Variants in OR4F15 observed in about 807,000 individuals in gnomAD.
OR4F15 encodes olfactory receptor family 4 subfamily F member 15.
OR4F15 carries 7 observed loss-of-function variants against 11.9 expected under a neutral mutation model. That is an observed-to-expected ratio of 0.59 (90% CI 0.33 to 1.10). The LOEUF is 1.10. Among genes scored for constraint, OR4F15 ranks in the 50% least tolerant of loss-of-function variants. The pLI is 0.03. For synonymous variants in OR4F15, 151 were observed against 134.6 expected (o/e 1.12, Z -0.84); for missense variants, 445 against 377.5 (o/e 1.18, Z -1.48).
At chr15:101,813,824 C>T (rs969887895) in intron 1 of OR4F15, among the ~76,000 whole-genome samples, 1 of 152,136 alleles carries the variant, frequency 6.6e-6, no homozygotes, top group Non-Finnish European at 1.5e-5. Context: ...CTGTATTTGT[C>T]ACACTATCAC....
chr15:101,818,973 C>G lies in OR4F15; in HGVS notation c.787C>G (p.Pro263Ala). ...PLMFFYTWPS[P>A]TSHLDKYLAI... ...GATGTTTTTCTACACATGGCCTTCTCCCACATCACACCTGGATAAATATCT... is the reference window on the plus strand; with the variant it reads ...GATGTTTTTCTACACATGGCCTTCTGCCACATCACACCTGGATAAATATCT... The change falls in exon 2 of 2, where the codon CCC (proline) becomes GCC (alanine). Residue 263 changes from proline (P) to alanine (A), a missense_variant. Pro to Ala is a conservative substitution (Grantham distance 27). Transcript: ENST00000332238. 6.2e-7 allele frequency: 1 copy of G among 1,614,142 alleles called. No individual in the cohort carries two copies. The highest frequency in any genetic ancestry group is 8.5e-7 in the Non-Finnish European group (1 of 1,180,008).
At position 101,819,566 on chromosome 15, in the gene OR4F15, G is replaced by T. The variant is rs537133569; in HGVS notation, c.*441G>T. On this transcript the variant is annotated 3_prime_UTR_variant, in exon 2 of 2. Coordinates refer to ENST00000332238, the MANE Select transcript of OR4F15 (RefSeq NM_001001674.2). Reference sequence around the variant, plus strand: ...CTGTCACCCAGGCTAGAGTGCAATGGCATGATTTCAGCTCACTGCAACCTC... The same window carrying T: ...CTGTCACCCAGGCTAGAGTGCAATGTCATGATTTCAGCTCACTGCAACCTC... The T allele has an allele frequency of 5.1e-5, 8 of 155,544 alleles. No individual in the cohort carries two copies. The highest frequency in any genetic ancestry group is 5.1e-4 in the Admixed American group (8 of 15,820). 9.6% of individuals were successfully genotyped at this position (155,544 alleles called of 1,614,324 possible).
chr15:101,818,837 C>G lies in OR4F15; in HGVS notation c.651C>G (p.Ser217=). Residue 217 remains serine, a synonymous_variant, in exon 2 of 2, where the codon TCC becomes TCG. Transcript: ENST00000332238. ...SVGSFVLLVI[S]YIFILFTVWK... Reference sequence around the variant, plus strand: ...GCTCCTTTGTCTTGCTGGTAATTTCCTACATCTTCATTCTGTTCACTGTTT... The same window carrying G: ...GCTCCTTTGTCTTGCTGGTAATTTCGTACATCTTCATTCTGTTCACTGTTT... The G allele has an allele frequency of 3.1e-6, 5 of 1,614,104 alleles. No individual in the cohort carries two copies. The highest frequency in any genetic ancestry group is 4.2e-6 in the Non-Finnish European group (5 of 1,180,014).
At chr15:101,815,009 G>A (rs1276953096) in intron 1 of OR4F15, among the ~76,000 whole-genome samples, 1 of 152,090 alleles carries the variant, frequency 6.6e-6, no homozygotes, top group African/African-American at 2.4e-5. Flanking sequence ...AGCCTTAATA[G>A]CATCTTTGCT....
Position 101,818,523 on chromosome 15 carries a change from G to T in OR4F15, c.337G>T (p.Val113Leu). ...CCATGCTCTTGGGGGCACTGAGATG[G>T]TGCTGCTCATAGCCATGGCCTTTGA... ...FSHALGGTEM[V>L]LLIAMAFDRY... Residue 113 changes from valine to leucine, a missense_variant, in exon 2 of 2, where the codon GTG becomes TTG. Coordinates refer to ENST00000332238, the MANE Select transcript of OR4F15 (RefSeq NM_001001674.2). The T allele has an allele frequency of 1.2e-6, 2 of 1,614,034 alleles. No individual in the cohort carries two copies. Among genetic ancestry groups the T allele is most frequent in the Non-Finnish European group, 1.7e-6 (2 of 1,179,914 alleles).
In OR4F15 at chr15:101,819,226, T is replaced by A; in HGVS notation, c.*101T>A. Reference sequence around the variant, plus strand: ...GAAATACTGAAGACTCAGGCCATACTATATGCCTGAAAATTTATGAAATCA... The same window carrying A: ...GAAATACTGAAGACTCAGGCCATACAATATGCCTGAAAATTTATGAAATCA... On this transcript the variant is annotated 3_prime_UTR_variant, in exon 2 of 2. Coordinates refer to ENST00000332238, the MANE Select transcript of OR4F15 (RefSeq NM_001001674.2). 1.4e-6 allele frequency: 1 copy of A among 721,476 alleles called. No homozygotes were observed. The highest frequency in any genetic ancestry group is 2.0e-5 in the South Asian group (1 of 49,408). The allele number at this position is 721,476 out of a possible 1,614,324, so 44.7% of individuals were successfully genotyped here.
intron 1 of OR4F15, among the ~76,000 whole-genome samples, chr15:101,813,217 G>C (rs566342118): frequency 6.6e-6 from 1 of 152,098 alleles, no homozygotes; most frequent in African/African-American, 2.4e-5. Flanking sequence ...TTAATGAGAA[G>C]CAGGACACAG....
chr15:101,818,484 C>G lies in OR4F15; in HGVS notation c.298C>G (p.Gln100Glu). The change falls in exon 2 of 2, where the codon CAG becomes GAG. Residue 100 changes from glutamine (Q) to glutamate (E), a missense_variant. By Grantham distance (29) the Gln-to-Glu change is conservative. Transcript: ENST00000332238. ...KAISFRGCIT[Q>E]IFFSHALGGT... is the part of the protein sequence containing the mutation. ...CATCTCCTTTCGGGGATGTATTACT[C>G]AGATCTTCTTTAGCCATGCTCTTGG... The G allele has an allele frequency of 6.2e-7, 1 of 1,614,144 alleles. No homozygotes were observed. Among genetic ancestry groups the G allele is most frequent in the South Asian group, 1.1e-5 (1 of 91,072 alleles).
Position 101,818,850 on chromosome 15 carries a change from C to A in OR4F15, c.664C>A (p.Leu222Met), listed in dbSNP as rs759212894. Residue 222 changes from leucine to methionine, a missense_variant, in exon 2 of 2, where the codon CTG becomes ATG. Coordinates refer to ENST00000332238, the MANE Select transcript of OR4F15 (RefSeq NM_001001674.2). ...GCTGGTAATTTCCTACATCTTCATTCTGTTCACTGTTTGGAAACATTCTTC... is the reference window on the plus strand; with the variant it reads ...GCTGGTAATTTCCTACATCTTCATTATGTTCACTGTTTGGAAACATTCTTC... Reference protein sequence around the residue: ...VLLVISYIFILFTVWKHSSGG... With the variant: ...VLLVISYIFIMFTVWKHSSGG... 7 of 1,613,986 alleles carry A rather than the reference C, an allele frequency of 4.3e-6. No individual in the cohort carries two copies. The South Asian group carries it at 7.7e-5, about 18-fold the overall frequency.
chr15:101,818,116 A>G (rs1459701990), intron 1 of OR4F15, 34 bp from the exon 2 acceptor site: 3 of 961,156 alleles, frequency 3.1e-6, no homozygotes, highest in Non-Finnish European at 4.8e-6. Context: ...ATACTTGCCT[A>G]GGTAATTCTT....
rs1903078516 is a variant in OR4F15 at position 101,820,034 on chromosome 15, T to C, written c.*909T>C. 1 of 152,228 alleles carries C rather than the reference T, an allele frequency of 6.6e-6. No homozygotes were observed. Among genetic ancestry groups the C allele is most frequent in the African/African-American group, 2.4e-5 (1 of 41,444 alleles). The allele number at this position is 152,228 out of a possible 1,614,324, so 9.4% of individuals were successfully genotyped here. A position where few individuals can be genotyped will look rare whatever the true frequency, so the allele number is the denominator to read the frequency against. ...AATTACACGTACTAAAATCCAAGAATTGAGCAGTGACTAGTTTGCCCAAAG... is the reference window on the plus strand; with the variant it reads ...AATTACACGTACTAAAATCCAAGAACTGAGCAGTGACTAGTTTGCCCAAAG... On this transcript the variant is annotated 3_prime_UTR_variant, in exon 2 of 2. Coordinates refer to ENST00000332238, the MANE Select transcript of OR4F15 (RefSeq NM_001001674.2).
At chr15:101,812,741 C>T (rs1042125574) in intron 1 of OR4F15, among the ~76,000 whole-genome samples, 3 of 152,068 alleles carry the variant, frequency 2.0e-5, no homozygotes, top group African/African-American at 7.2e-5. Context: ...GGAAGAAAAA[C>T]ATCTGGGTTT....
rs115707687 is a variant in OR4F15, at chr15:101,813,008, A to G, written c.-38+736A>G. ...AGATGGATCCTTTGAGGAAGGCTAA[A>G]GCAAATTGAGGTGAATAAAACTAGA... On this transcript the variant is annotated intron_variant, in intron 1 of 1. Coordinates refer to ENST00000332238, the MANE Select transcript of OR4F15 (RefSeq NM_001001674.2). Among the ~76,000 whole-genome samples, 917 of 152,312 alleles carry G rather than the reference A, an allele frequency of 6.0e-3. 8 individuals carry two copies. The highest frequency in any genetic ancestry group is 0.019 in the African/African-American group (809 of 41,568).
rs1567112503 is a variant in OR4F15 at position 101,819,502 on chromosome 15, T to TTAG, written c.*378_*379insAGT. 320 of 160,050 alleles carry TTAG rather than the reference T, an allele frequency of 2.0e-3. 1 individual carries two copies. The highest frequency in any genetic ancestry group is 6.9e-3 in the African/African-American group (285 of 41,380). 9.9% of individuals were successfully genotyped at this position (160,050 alleles called of 1,614,324 possible). ...CACCTAACTCCTATTTATTTATTTA[T>TTAG]TTAGTTAGTTAGTTACTTATTTGAG... On this transcript the variant is annotated 3_prime_UTR_variant, in exon 2 of 2. Transcript: ENST00000332238.
chr15:101,819,194 T>C lies in OR4F15; in HGVS notation c.*69T>C. On this transcript the variant is annotated 3_prime_UTR_variant, in exon 2 of 2. Transcript: ENST00000332238. Reference sequence around the variant, plus strand: ...GCTGATTGCATAAAAGAAACTGCAATTTCAGAGAAATACTGAAGACTCAGG... The same window carrying C: ...GCTGATTGCATAAAAGAAACTGCAACTTCAGAGAAATACTGAAGACTCAGG... 1 of 1,054,926 alleles carries C rather than the reference T, an allele frequency of 9.5e-7. No homozygotes were observed. Among genetic ancestry groups the C allele is most frequent in the Non-Finnish European group, 1.4e-6 (1 of 735,192 alleles). 65.3% of individuals were successfully genotyped at this position (1,054,926 alleles called of 1,614,324 possible). A position where few individuals can be genotyped will look rare whatever the true frequency, so the allele number is the denominator to read the frequency against.
In OR4F15 at chr15:101,818,968, C is replaced by T. The variant is rs1211539537; in HGVS notation, c.782C>T (p.Pro261Leu). ...FGPLMFFYTW[P>L]SPTSHLDKYL... is the part of the protein sequence containing the mutation. Reference sequence around the variant, plus strand: ...CCACTGATGTTTTTCTACACATGGCCTTCTCCCACATCACACCTGGATAAA... The same window carrying T: ...CCACTGATGTTTTTCTACACATGGCTTTCTCCCACATCACACCTGGATAAA... Residue 261 changes from proline to leucine, a missense_variant, in exon 2 of 2, where the codon CCT (proline) becomes CTT (leucine). Physicochemically the swap from Pro to Leu is moderately conservative, Grantham distance 98. Transcript: ENST00000332238. 1.2e-6 allele frequency: 2 copies of T among 1,614,016 alleles called. No homozygotes were observed. The highest frequency in any genetic ancestry group is 1.3e-5 in the African/African-American group (1 of 74,898).
At chr15:101,812,836 T>C (rs1333703227) in intron 1 of OR4F15, among the ~76,000 whole-genome samples, 1 of 152,198 alleles carries the variant, frequency 6.6e-6, no homozygotes, top group Non-Finnish European at 1.5e-5. Context: ...GGAAACTAAA[T>C]GTGTAATGTT....
Position 101,818,363 on chromosome 15 carries a change from G to T in OR4F15, c.177G>T (p.Met59Ile). The T allele has an allele frequency of 6.2e-7, 1 of 1,614,148 alleles. No individual in the cohort carries two copies. Among genetic ancestry groups the T allele is most frequent in the Non-Finnish European group, 8.5e-7 (1 of 1,180,000 alleles). Residue 59 changes from methionine to isoleucine, a missense_variant, in exon 2 of 2, where the codon ATG becomes ATT. Transcript: ENST00000332238. ...VTMDAHLHSP[M>I]YFLLANLSII... Reference sequence around the variant, plus strand: ...TGGATGCTCATCTGCACTCCCCCATGTATTTCCTCCTGGCTAACCTCTCAA... The same window carrying T: ...TGGATGCTCATCTGCACTCCCCCATTTATTTCCTCCTGGCTAACCTCTCAA...
rs148231277 is a variant in OR4F15 at position 101,813,597 on chromosome 15, T to C, written c.-38+1325T>C. On this transcript the variant is annotated intron_variant, in intron 1 of 1. Coordinates refer to ENST00000332238, the MANE Select transcript of OR4F15 (RefSeq NM_001001674.2). ...TTGAAAACTGAGGGAAAAACTGACA[T>C]TTCCTGGATGGGTAAATAAAGGAAC... Among the ~76,000 whole-genome samples, 389 of 152,044 alleles carry C rather than the reference T, an allele frequency of 2.6e-3. 2 individuals are homozygous for C. The highest frequency in any genetic ancestry group is 3.1e-3 in the Non-Finnish European group (212 of 67,972).
Sources: gnomAD v4.1 joint callset for allele counts (sites outside exome capture counted in the v4.1 genomes callset) on GRCh38, gnomAD v4.1.1 for gene constraint, MANE v1.5 for transcripts, NCBI Gene and HGNC (gene_info 2026-07-23, HGNC 2026-07-21) for gene names.